The following DNAH6 variants were observed in gnomAD, a reference collection of about 807,000 sequenced individuals.
The protein encoded by DNAH6 is dynein axonemal heavy chain 6, also known as axonemal beta dynein heavy chain 6.
A neutral mutation model predicts 491.4 loss-of-function variants in DNAH6; 340 were observed. That is an observed-to-expected ratio of 0.69 (90% CI 0.63 to 0.76). The LOEUF (loss-of-function observed/expected upper bound fraction) is 0.76, where lower values mean the gene tolerates loss of function less well. Ranked by LOEUF, DNAH6 falls within the 30% of genes least tolerant of loss-of-function variation. The pLI is 0.00. For synonymous variants in DNAH6, 1,603 were observed against 1,686.1 expected, an observed-to-expected ratio of 0.95 and a Z score of 1.21; for missense variants, 4,443 against 4,972.2, an observed-to-expected ratio of 0.89 and a Z score of 3.20.
chr2:84,513,751 G>A (rs1430959577), upstream of DNAH6, among the ~76,000 whole-genome samples: 1 of 151,562 alleles, frequency 6.6e-6, no homozygotes, highest in East Asian at 1.9e-4. Context: ...TCTCTTCATG[G>A]GTATTTCCTA....
intron 37 of DNAH6, among the ~76,000 whole-genome samples, chr2:84,665,389 T>TA: frequency 6.6e-6 from 1 of 151,240 alleles, no homozygotes; most frequent in Admixed American, 6.6e-5. Context: ...AAGAATCAAA[T>TA]AGATGCAATA....
chr2:84,674,590 C>A (rs902421398), intron 40 of DNAH6, among the ~76,000 whole-genome samples: 1 of 152,128 alleles, frequency 6.6e-6, no homozygotes, highest in Non-Finnish European at 1.5e-5. Flanking sequence ...GCAAGATGAA[C>A]GCATATTCAG....
At chr2:84,589,680 G>C (rs1393910064) in intron 16 of DNAH6, among the ~76,000 whole-genome samples, 132 of 142,976 alleles carry the variant, frequency 9.2e-4, no homozygotes, top group Non-Finnish European at 1.3e-3. Context: ...ACACCGCACT[G>C]CAGCCTAGGT....
intron 64 of DNAH6, among the ~76,000 whole-genome samples, chr2:84,770,278 T>C (rs1240640639): frequency 6.6e-6 from 1 of 152,198 alleles, no homozygotes; most frequent in African/African-American, 2.4e-5. Flanking sequence ...ATTATAATAT[T>C]CTAAATGTCT....
rs556916192 is a variant in DNAH6 at position 84,677,244 on chromosome 2, G to T, written c.6744+108G>T. The T allele has an allele frequency of 9.8e-5, 138 of 1,410,770 alleles. No individual in the cohort carries two copies. The African/African-American group carries it at 1.9e-3, about 19-fold the overall frequency. The allele number at this position is 1,410,770 out of a possible 1,614,324, so 87.4% of individuals were successfully genotyped here. A position where few individuals can be genotyped will look rare whatever the true frequency, so the allele number is the denominator to read the frequency against. ...GTGTTTCTAAGGAGTCCATCTATCC[G>T]TCTCTTTCCTGAGCAGGAAGCAGGT... On this transcript the variant is annotated intron_variant, in intron 41 of 76. Transcript: ENST00000389394.
Position 84,677,076 on chromosome 2 carries a change from A to G in DNAH6, c.6684A>G (p.Arg2228=). 2.6e-6 allele frequency: 4 copies of G among 1,551,764 alleles called. No individual in the cohort carries two copies. The highest frequency in any genetic ancestry group is 3.5e-6 in the Non-Finnish European group (4 of 1,146,984). ...ACCCTGTGACTCCCCGCTTCATCAG[A>G]CACTTCAGCATGCTGTGCCTCCCAA... is the stretch of plus-strand genomic sequence containing the variant. The part of the protein sequence containing the change: ...GRNPVTPRFI[R]HFSMLCLPMP... Residue 2228 remains arginine, a synonymous_variant, in exon 41 of 77, where the codon AGA becomes AGG. Coordinates refer to ENST00000389394, the MANE Select transcript of DNAH6 (RefSeq NM_001370.2).
At chr2:84,816,206 G>A in intron 76 of DNAH6, 123 bp downstream of exon 76, 1 of 685,774 alleles carries the variant, frequency 1.5e-6, no homozygotes, top group Non-Finnish European at 2.4e-6. Context: ...TTAAAATGAA[G>A]CCACCTATAA....
chr2:84,611,886 A>G, intron 22 of DNAH6, 32 bp downstream of exon 22: 1 of 1,537,322 alleles, frequency 6.5e-7, no homozygotes. Flanking sequence ...AAGCAAAAAG[A>G]CTACAATCTT....
At chr2:84,519,999 A>G (rs1367617703) in intron 2 of DNAH6, among the ~76,000 whole-genome samples, 1 of 137,464 alleles carries the variant, frequency 7.3e-6, no homozygotes, top group Non-Finnish European at 1.6e-5. Context: ...ATCTGATTGT[A>G]TGAACATTCC....
intron 63 of DNAH6, among the ~76,000 whole-genome samples, chr2:84,758,648 TCAATA>T: frequency 6.6e-6 from 1 of 152,130 alleles, no homozygotes; most frequent in East Asian, 1.9e-4. Context: ...CGTATGCAAA[TCAATA>T]AATGTGATAC....
At chr2:84,473,506 C>T in the DNAH6 span, among the ~76,000 whole-genome samples, 2 of 152,172 alleles carry the variant, frequency 1.3e-5, no homozygotes, top group African/African-American at 4.8e-5. Flanking sequence ...TCTACTTGTG[C>T]TTACTGAATT....
chr2:84,644,744 A>G (rs1379143050), intron 33 of DNAH6, among the ~76,000 whole-genome samples: 1 of 152,184 alleles, frequency 6.6e-6, no homozygotes, highest in Non-Finnish European at 1.5e-5. Context: ...CTCCAGCTCC[A>G]TCCACGTTCC....
intron 29 of DNAH6, among the ~76,000 whole-genome samples, chr2:84,629,513 T>C (rs1016807996): frequency 2.0e-5 from 3 of 152,228 alleles, no homozygotes; most frequent in African/African-American, 7.2e-5. Context: ...TTCAAATGTT[T>C]ATACTGTAGG....
At chr2:84,747,463 T>C (rs931965710) in intron 63 of DNAH6, among the ~76,000 whole-genome samples, 1 of 152,200 alleles carries the variant, frequency 6.6e-6, no homozygotes, top group Non-Finnish European at 1.5e-5. Context: ...TGACACCATG[T>C]CCTGCATCCT....
chr2:84,686,201 A>G (rs917958392), intron 43 of DNAH6, among the ~76,000 whole-genome samples: 29 of 149,924 alleles, frequency 1.9e-4, no homozygotes, highest in African/African-American at 6.5e-4. Context: ...AAAAAAAAAA[A>G]GCCAGGATAA....
chr2:84,642,854 A>G (rs1689553674), intron 33 of DNAH6, among the ~76,000 whole-genome samples: 2 of 152,212 alleles, frequency 1.3e-5, no homozygotes, highest in South Asian at 2.1e-4. Context: ...ACAGGCATAT[A>G]TAATCAAATA....
At chr2:84,623,937 A>T (rs1444732398) in intron 26 of DNAH6, among the ~76,000 whole-genome samples, 3 of 152,204 alleles carry the variant, frequency 2.0e-5, no homozygotes, top group African/African-American at 7.2e-5. Context: ...ATCATCACAT[A>T]GTGGTTAAGA....
chr2:84,813,241 AT>A, intron 74 of DNAH6, 111 bp downstream of exon 74: 3 of 798,334 alleles, frequency 3.8e-6, no homozygotes, highest in Non-Finnish European at 6.2e-6. Context: ...CAATGAGGCT[AT>A]TGATCATAGG....
intron 47 of DNAH6, among the ~76,000 whole-genome samples, chr2:84,699,015 C>T (rs955671329): frequency 1.3e-4 from 20 of 152,088 alleles, no homozygotes; most frequent in African/African-American, 4.1e-4. Flanking sequence ...CAATAGACAA[C>T]GCAGAATAAA....
Sources: allele counts gnomAD v4.1 joint callset (sites outside exome capture counted in the v4.1 genomes callset), GRCh38; gene constraint gnomAD v4.1.1; transcripts MANE v1.5; gene names NCBI Gene and HGNC (gene_info 2026-07-23, HGNC 2026-07-21).